Variants in CNTNAP2 observed in about 807,000 individuals in gnomAD.
The protein encoded by CNTNAP2 is contactin-associated protein-like 2.
CNTNAP2 carries 98 observed loss-of-function variants against 155.2 expected under a neutral mutation model. The observed-to-expected ratio is 0.63, with a 90% CI of 0.54 to 0.75. CNTNAP2 has a LOEUF of 0.75. CNTNAP2 is among the 30% of genes least tolerant of loss of function. The probability of loss-of-function intolerance (pLI) is 0.00; values close to 1 mark genes in which losing one functional copy is unlikely to be tolerated. For missense variants in CNTNAP2, 1,727 were observed against 1,688.1 expected (o/e 1.02, Z -0.40); for synonymous variants, 651 against 631.2 (o/e 1.03, Z -0.47).
At chr7:148,347,803 A>C (rs1798353034) in intron 21 of CNTNAP2, among the ~76,000 whole-genome samples, 1 of 152,246 alleles carries the variant, frequency 6.6e-6, no homozygotes, top group Non-Finnish European at 1.5e-5. Flanking sequence ...GTGGTGGGCG[A>C]TGGATACAAA....
At chr7:146,514,279 G>A (rs1326241944) in intron 1 of CNTNAP2, among the ~76,000 whole-genome samples, 2 of 151,582 alleles carry the variant, frequency 1.3e-5, no homozygotes, top group East Asian at 3.9e-4. Flanking sequence ...TTTTTCTCTG[G>A]GTTTGCAAAG....
chr7:148,385,738 T>TTTTTTTTGTTTGTTTGTTTG, intron 22 of CNTNAP2, among the ~76,000 whole-genome samples: 1 of 2,262 alleles, frequency 4.4e-4, no homozygotes, highest in African/African-American at 9.7e-4. Flanking sequence ...TGTGACAGGT[T>TTTTTTTTGTTTGTTTGTTTG]TTTTTTTTTT....
chr7:147,828,539 T>C (rs963455009), intron 13 of CNTNAP2, among the ~76,000 whole-genome samples: 2 of 152,218 alleles, frequency 1.3e-5, no homozygotes, highest in African/African-American at 4.8e-5. Context: ...CAATAAATTC[T>C]ATCTTAATTT....
intron 8 of CNTNAP2, among the ~76,000 whole-genome samples, chr7:147,164,858 A>G (rs1802087641): frequency 6.6e-6 from 1 of 152,160 alleles, no homozygotes; most frequent in African/African-American, 2.4e-5. Flanking sequence ...AAAGATTTCA[A>G]ATGAGACCCA....
rs563761369 is a variant in CNTNAP2, at chr7:146,300,190, C to T, written c.97+183217C>T. On this transcript the variant is annotated intron_variant, in intron 1 of 23. Transcript: ENST00000361727. ...GTCTATAAGAACAAAGAATATATAA[C>T]AATCCACATGTAGAGTATAAAATAA... Among the ~76,000 whole-genome samples the T allele has an allele frequency of 4.6e-4, 70 of 152,214 alleles. 1 individual carries two copies. The highest frequency in any genetic ancestry group is 6.8e-3 in the Middle Eastern group (2 of 294).
At chr7:147,477,532 C>G (rs551256196) in intron 10 of CNTNAP2, among the ~76,000 whole-genome samples, 1 of 152,164 alleles carries the variant, frequency 6.6e-6, no homozygotes, top group Non-Finnish European at 1.5e-5. Flanking sequence ...GTCTATCCTG[C>G]ACCTATTACT....
At chr7:147,848,381 T>C (rs1798853448) in intron 13 of CNTNAP2, among the ~76,000 whole-genome samples, 1 of 150,564 alleles carries the variant, frequency 6.6e-6, no homozygotes. Context: ...CGTCACCCCT[T>C]TCTTTGACTC....
chr7:147,434,304 C>G (rs1393014100), intron 10 of CNTNAP2, among the ~76,000 whole-genome samples: 5 of 152,034 alleles, frequency 3.3e-5, no homozygotes, highest in African/African-American at 1.2e-4. Flanking sequence ...AAAATAGGAC[C>G]TAGTGTGTGA....
chr7:148,410,196 A>G (rs955904391), intron 23 of CNTNAP2, among the ~76,000 whole-genome samples: 8 of 152,050 alleles, frequency 5.3e-5, no homozygotes, highest in Non-Finnish European at 1.2e-4. Context: ...CATAGCCAGG[A>G]CATTTCTTTA....
At chr7:147,072,848 C>CTTTTT (rs71165064) in intron 4 of CNTNAP2, among the ~76,000 whole-genome samples, 3 of 93,630 alleles carry the variant, frequency 3.2e-5, no homozygotes, top group African/African-American at 4.7e-5. Flanking sequence ...TTCCTTTATT[C>CTTTTT]TTTTTTTTTT....
At chr7:147,508,674 G>A (rs1798958943) in intron 11 of CNTNAP2, among the ~76,000 whole-genome samples, 1 of 152,170 alleles carries the variant, frequency 6.6e-6, no homozygotes, top group Non-Finnish European at 1.5e-5. Flanking sequence ...CCTGATGGGA[G>A]ATAATTAAAT....
chr7:147,057,877 G>C (rs1249378540), intron 4 of CNTNAP2, among the ~76,000 whole-genome samples: 1 of 152,060 alleles, frequency 6.6e-6, no homozygotes, highest in Non-Finnish European at 1.5e-5. Flanking sequence ...ACTTCATATT[G>C]ATAAGGACAA....
chr7:147,713,583 A>G (rs1796435337), intron 13 of CNTNAP2, among the ~76,000 whole-genome samples: 1 of 152,224 alleles, frequency 6.6e-6, no homozygotes, highest in South Asian at 2.1e-4. Flanking sequence ...ATGTGGGACC[A>G]TAAAGCCACT....
chr7:148,177,817 T>A (rs1027996623), intron 18 of CNTNAP2, among the ~76,000 whole-genome samples: 1 of 152,046 alleles, frequency 6.6e-6, no homozygotes, highest in South Asian at 2.1e-4. Flanking sequence ...ATTATTGTGA[T>A]TGAGTAAAAA....
At position 147,562,397 on chromosome 7, in the gene CNTNAP2, A is replaced by G. The variant is rs1157354577; in HGVS notation, c.1897+140A>G. 50 of 1,091,930 alleles carry G rather than the reference A, an allele frequency of 4.6e-5. No homozygotes were observed. The East Asian group carries it at 1.2e-3, about 26-fold the overall frequency. 67.6% of individuals were successfully genotyped at this position (1,091,930 alleles called of 1,614,324 possible). ...CAACATATTGCTGGATTTGTTAGAT[A>G]AGATGATGAAATGTATTATTAGAGC... On this transcript the variant is annotated intron_variant, in intron 12 of 23. Transcript: ENST00000361727.
intron 8 of CNTNAP2, among the ~76,000 whole-genome samples, chr7:147,168,543 A>G (rs1269928438): frequency 3.3e-5 from 5 of 152,072 alleles, no homozygotes; most frequent in Admixed American, 1.3e-4. Context: ...CTTTCTTTCT[A>G]AAACATCTGA....
At chr7:147,880,854 G>GGTGTGT (rs71183032) in intron 13 of CNTNAP2, among the ~76,000 whole-genome samples, 13,029 of 143,006 alleles carry the variant, frequency 0.091, 639 homozygotes, top group African/African-American at 0.11. Flanking sequence ...ATTGGAGTTG[G>GGTGTGT]GTGTGTGTGT....
At chr7:147,103,725 T>C (rs1800700111) in intron 4 of CNTNAP2, among the ~76,000 whole-genome samples, 1 of 151,888 alleles carries the variant, frequency 6.6e-6, no homozygotes, top group South Asian at 2.1e-4. Flanking sequence ...ATTTTTTACC[T>C]TTATTGAATT....
chr7:147,766,172 A>G (rs1797380383), intron 13 of CNTNAP2, among the ~76,000 whole-genome samples: 2 of 152,182 alleles, frequency 1.3e-5, no homozygotes, highest in African/African-American at 4.8e-5. Flanking sequence ...GCATTTATCA[A>G]AACTAATTGA....
Sources: allele counts gnomAD v4.1 joint callset (sites outside exome capture counted in the v4.1 genomes callset), GRCh38; gene constraint gnomAD v4.1.1; transcripts MANE v1.5; gene names NCBI Gene and HGNC (gene_info 2026-07-23, HGNC 2026-07-21).